PDCL2: variants seen among roughly 807,000 people sequenced by gnomAD.
PDCL2 encodes phosducin-like protein 2.
In PDCL2, 23 loss-of-function variants were observed where a neutral mutation model predicts 30.3. That is an observed-to-expected ratio of 0.76 (90% confidence interval 0.55 to 1.08). The LOEUF is 1.08. Ranked by LOEUF, PDCL2 falls within the 50% of genes least tolerant of loss-of-function variation. The probability of loss-of-function intolerance (pLI) is 0.00; values close to 1 mark genes in which losing one functional copy is unlikely to be tolerated. For synonymous variants in PDCL2, 68 were observed against 86.2 expected (o/e 0.79, Z 1.17); for missense variants, 243 against 282.3 (o/e 0.86, Z 1.00).
intron 5 of PDCL2, among the ~76,000 whole-genome samples, chr4:55,559,835 G>A (rs931499239): frequency 6.6e-6 from 1 of 152,300 alleles, no homozygotes; most frequent in African/African-American, 2.4e-5. Context: ...CCACATGGAT[G>A]AAACTTGAGG....
intron 3 of PDCL2, among the ~76,000 whole-genome samples, chr4:55,578,023 T>G (rs1444139439): frequency 6.6e-6 from 1 of 152,250 alleles, no homozygotes; most frequent in African/African-American, 2.4e-5. Flanking sequence ...GTCTTTGTGC[T>G]GGCGATCATT....
At chr4:55,589,527 T>C (rs1184580904) in intron 1 of PDCL2, among the ~76,000 whole-genome samples, 1 of 152,234 alleles carries the variant, frequency 6.6e-6, no homozygotes, top group Non-Finnish European at 1.5e-5. Context: ...TTTCATTTTC[T>C]CTTCTGTTCC....
chr4:55,587,763 C>G (rs1162870174), intron 1 of PDCL2, among the ~76,000 whole-genome samples: 4 of 151,830 alleles, frequency 2.6e-5, no homozygotes, highest in Admixed American at 1.3e-4. Context: ...ACCATGTTGG[C>G]CAGGTTGGTC....
intron 3 of PDCL2, among the ~76,000 whole-genome samples, chr4:55,573,746 G>A (rs1577912021): frequency 6.6e-6 from 1 of 150,804 alleles, no homozygotes; most frequent in East Asian, 2.0e-4. Context: ...GCAAGACTCT[G>A]TCCTCCTCTC....
rs1013350163 is a variant in PDCL2, at chr4:55,562,606, T to C, written c.369A>G (p.Pro123=). 7 of 1,579,738 alleles carry C rather than the reference T, an allele frequency of 4.4e-6. No homozygotes were observed. The highest frequency in any genetic ancestry group is 1.7e-6 in the Non-Finnish European group (2 of 1,165,038). The change falls in exon 5 of 6, where the codon CCA becomes CCG. Residue 123 remains proline (P), a synonymous_variant. Transcript: ENST00000295645. The stretch of plus-strand genomic sequence containing the variant: ...GATGCTGGTTAACCAACAAACACAT[T>C]GGGATGCTAAAAAGAGAAACAGTAC... ...VIIHLYRSSI[P]MCLLVNQHLS... is the part of the protein sequence containing the mutation.
chr4:55,580,412 G>A (rs558460543), intron 3 of PDCL2, among the ~76,000 whole-genome samples: 1 of 152,138 alleles, frequency 6.6e-6, no homozygotes, highest in East Asian at 1.9e-4. Flanking sequence ...TAGTTGTGAA[G>A]TAAGTTGGGA....
rs1175962018 is a variant in PDCL2, at chr4:55,569,734, G to A, written c.346C>T (p.His116Tyr). Residue 116 changes from histidine (H) to tyrosine (Y), a missense_variant, in exon 4 of 6, where the codon CAT becomes TAT. Transcript: ENST00000295645. ...GGTAATTACCTTGATCTGTATAGAT[G>A]AATTATAACCCACACATCTTCTTCT... ...NAEEDVWVIIHLYRSSIPMCL... is the reference protein window; with the variant it reads ...NAEEDVWVIIYLYRSSIPMCL... 1 of 1,552,962 alleles carries A rather than the reference G, an allele frequency of 6.4e-7. No homozygotes were observed. The highest frequency in any genetic ancestry group is 8.7e-7 in the Non-Finnish European group (1 of 1,147,910).
At chr4:55,573,424 G>A (rs34534635) in intron 3 of PDCL2, among the ~76,000 whole-genome samples, 428 of 151,906 alleles carry the variant, frequency 2.8e-3, no homozygotes, top group Non-Finnish European at 5.2e-3. Flanking sequence ...TTGTCCGAAG[G>A]TACTGGCTAG....
intron 3 of PDCL2, among the ~76,000 whole-genome samples, chr4:55,579,176 A>G (rs112675541): frequency 0.034 from 5,086 of 147,778 alleles, 104 homozygotes; most frequent in Non-Finnish European, 0.054. Context: ...GACTCCTGGG[A>G]CTTTTTTTTT....
At position 55,578,188 on chromosome 4, in the gene PDCL2, G is replaced by A. The variant is rs145860928; in HGVS notation, c.218+2633C>T. Among the ~76,000 whole-genome samples, 19 of 152,296 alleles carry A rather than the reference G, an allele frequency of 1.2e-4. No individual in the cohort carries two copies. The East Asian group carries it at 3.5e-3, about 28-fold the overall frequency. On this transcript the variant is annotated intron_variant, in intron 3 of 5. Transcript: ENST00000295645. ...CTTTTAAATTCTCTGATAGCTGCCTGAGCCAGTGGGAGTTCACACAATGGC... is the reference window on the plus strand; with the variant it reads ...CTTTTAAATTCTCTGATAGCTGCCTAAGCCAGTGGGAGTTCACACAATGGC...
At chr4:55,580,959 T>C (rs1436087393) in intron 2 of PDCL2, 48 bp from the exon 3 acceptor site, 3 of 1,406,872 alleles carry the variant, frequency 2.1e-6, no homozygotes, top group Non-Finnish European at 2.9e-6. Flanking sequence ...AAAATTTTTT[T>C]ACTATACAGT....
chr4:55,574,645 C>A (rs60992571), intron 3 of PDCL2, among the ~76,000 whole-genome samples: 63,654 of 151,962 alleles, frequency 0.42, 15,044 homozygotes, highest in African/African-American at 0.64. Flanking sequence ...CCACAATAAA[C>A]CCATATCTAT....
chr4:55,565,575 T>G (rs911355846), intron 4 of PDCL2, among the ~76,000 whole-genome samples: 2 of 152,080 alleles, frequency 1.3e-5, no homozygotes, highest in Non-Finnish European at 2.9e-5. Flanking sequence ...CATGATTAAA[T>G]TACCTCCCGC....
At chr4:55,575,724 T>C (rs893506797) in intron 3 of PDCL2, among the ~76,000 whole-genome samples, 1 of 152,146 alleles carries the variant, frequency 6.6e-6, no homozygotes, top group East Asian at 1.9e-4. Context: ...TATCAGCCAG[T>C]TTCTCAGCAG....
intron 3 of PDCL2, among the ~76,000 whole-genome samples, chr4:55,579,484 A>G (rs914504967): frequency 2.1e-4 from 32 of 152,096 alleles, no homozygotes; most frequent in African/African-American, 7.5e-4. Flanking sequence ...ATGTGCTACA[A>G]CGCCTGGCTA....
chr4:55,591,124 TA>T (rs1732987238), intron 1 of PDCL2, among the ~76,000 whole-genome samples: 1 of 152,164 alleles, frequency 6.6e-6, no homozygotes, highest in Non-Finnish European at 1.5e-5. Context: ...GGACTGGCCA[TA>T]AAAAATTATA....
chr4:55,592,039 G>C (rs1358559614), intron 1 of PDCL2, 65 bp downstream of exon 1: 8 of 1,589,644 alleles, frequency 5.0e-6, no homozygotes, highest in Non-Finnish European at 6.8e-6. Context: ...TGTGTCCCTT[G>C]GCTTCGGGCC....
At chr4:55,557,814 TAAAC>T (rs1732011552) in intron 5 of PDCL2, among the ~76,000 whole-genome samples, 1 of 151,762 alleles carries the variant, frequency 6.6e-6, no homozygotes, top group Non-Finnish European at 1.5e-5. Flanking sequence ...CCTATAAAAT[TAAAC>T]AAGTTGGCCG....
rs182062317 is a variant in PDCL2, at chr4:55,582,324, A to G, written c.7-87T>C. ...AATTCATTAAGATGTAGCACTTCCA[A>G]GTATTCAATTGTTCATGAACTCTAC... On this transcript the variant is annotated intron_variant, in intron 1 of 5. Transcript: ENST00000295645. The G allele has an allele frequency of 7.7e-5, 106 of 1,372,288 alleles. No homozygotes were observed. The African/African-American group carries it at 1.4e-3, about 18-fold the overall frequency. The allele number at this position is 1,372,288 out of a possible 1,614,324, so 85.0% of individuals were successfully genotyped here.
Sources: gnomAD v4.1 joint callset for allele counts (sites outside exome capture counted in the v4.1 genomes callset) on GRCh38, gnomAD v4.1.1 for gene constraint, MANE v1.5 for transcripts, NCBI Gene and HGNC (gene_info 2026-07-23, HGNC 2026-07-21) for gene names.